The following ARHGAP24 variants were observed in gnomAD, a reference collection of about 807,000 sequenced individuals.
ARHGAP24 encodes the protein rho GTPase-activating protein 24.
Under a neutral mutation model 76.4 loss-of-function variants are expected in ARHGAP24, and 50 were observed. The observed-to-expected ratio is 0.65, with a 90% CI of 0.52 to 0.83. The LOEUF (loss-of-function observed/expected upper bound fraction) is 0.83, where lower values mean the gene tolerates loss of function less well. Among genes scored for constraint, ARHGAP24 ranks in the 40% least tolerant of loss-of-function variants. ARHGAP24 has a pLI of 0.00. For missense variants in ARHGAP24, 930 were observed against 914.2 expected, an observed-to-expected ratio of 1.02 and a Z score of -0.22; for synonymous variants, 345 against 323.3, an observed-to-expected ratio of 1.07 and a Z score of -0.72.
chr4:85,883,909 A>G (rs1733403927), intron 3 of ARHGAP24, among the ~76,000 whole-genome samples: 1 of 152,170 alleles, frequency 6.6e-6, no homozygotes, highest in African/African-American at 2.4e-5. Flanking sequence ...GGAAAAGCAC[A>G]CTGGTCCTCA....
At chr4:85,757,332 C>T (rs372562408) in intron 3 of ARHGAP24, among the ~76,000 whole-genome samples, 199 of 150,722 alleles carry the variant, frequency 1.3e-3, no homozygotes, top group African/African-American at 4.6e-3. Context: ...TCGTCATTTA[C>T]ATTAGGTATT....
At chr4:85,823,511 C>A (rs1385604749) in intron 3 of ARHGAP24, among the ~76,000 whole-genome samples, 1 of 152,122 alleles carries the variant, frequency 6.6e-6, no homozygotes, top group Non-Finnish European at 1.5e-5. Context: ...CCATGTGTCC[C>A]AGGCTTTCTG....
At chr4:85,844,454 A>G (rs1730761699) in intron 3 of ARHGAP24, among the ~76,000 whole-genome samples, 1 of 152,248 alleles carries the variant, frequency 6.6e-6, no homozygotes, top group Non-Finnish European at 1.5e-5. Context: ...CTGGGATTAC[A>G]GAATTAAATA....
At chr4:85,890,141 A>G (rs1733807561) in intron 3 of ARHGAP24, among the ~76,000 whole-genome samples, 1 of 152,206 alleles carries the variant, frequency 6.6e-6, no homozygotes, top group Non-Finnish European at 1.5e-5. Flanking sequence ...GAGGACAATC[A>G]GCGCCTTTCC....
chr4:85,924,913 C>G (rs571708374), intron 4 of ARHGAP24, among the ~76,000 whole-genome samples: 1 of 152,278 alleles, frequency 6.6e-6, no homozygotes, highest in African/African-American at 2.4e-5. Flanking sequence ...AGGTTTACAA[C>G]TTTTGTCCCA....
intron 4 of ARHGAP24, among the ~76,000 whole-genome samples, chr4:85,941,406 C>T (rs1736939044): frequency 6.6e-6 from 1 of 152,154 alleles, no homozygotes; most frequent in South Asian, 2.1e-4. Context: ...AAATACCCTA[C>T]CTGTTAGGGC....
At chr4:85,856,302 TA>T (rs376598614) in intron 3 of ARHGAP24, among the ~76,000 whole-genome samples, 1,911 of 151,460 alleles carry the variant, frequency 0.013, 46 homozygotes, top group African/African-American at 0.043. Flanking sequence ...CTCATTTTGG[TA>T]AAAAAAAATT....
At chr4:85,704,908 G>A (rs1476572306) in intron 2 of ARHGAP24, among the ~76,000 whole-genome samples, 5 of 151,900 alleles carry the variant, frequency 3.3e-5, no homozygotes, top group African/African-American at 1.2e-4. Context: ...GATTGACCAA[G>A]GGTCAATAAG....
intron 3 of ARHGAP24, among the ~76,000 whole-genome samples, chr4:85,730,390 A>G (rs1725355708): frequency 6.6e-6 from 1 of 152,048 alleles, no homozygotes; most frequent in Non-Finnish European, 1.5e-5. Flanking sequence ...TTTCCTTTAT[A>G]TGATGTACAT....
chr4:85,865,290 T>C (rs1005096512), intron 3 of ARHGAP24, among the ~76,000 whole-genome samples: 1 of 151,884 alleles, frequency 6.6e-6, no homozygotes, highest in Admixed American at 6.6e-5. Context: ...TCCTAAAATT[T>C]TGTGAGTTGG....
chr4:85,658,638 C>G (rs143166944), intron 2 of ARHGAP24, among the ~76,000 whole-genome samples: 311 of 152,324 alleles, frequency 2.0e-3, no homozygotes, highest in African/African-American at 7.2e-3. Context: ...AACATTTAGA[C>G]TAATTTTACC....
At chr4:85,657,429 T>G (rs921366001) in intron 2 of ARHGAP24, among the ~76,000 whole-genome samples, 1 of 152,204 alleles carries the variant, frequency 6.6e-6, no homozygotes, top group Non-Finnish European at 1.5e-5. Flanking sequence ...TTTTTTCAAA[T>G]ACAAGAGAAA....
intron 1 of ARHGAP24, among the ~76,000 whole-genome samples, chr4:85,537,056 A>T (rs1443030139): frequency 6.6e-6 from 1 of 152,142 alleles, no homozygotes; most frequent in Non-Finnish European, 1.5e-5. Flanking sequence ...TAATTCAGAG[A>T]AGGAAAATCA....
intron 3 of ARHGAP24, among the ~76,000 whole-genome samples, chr4:85,849,253 G>A (rs1404095105): frequency 6.7e-6 from 1 of 150,180 alleles, no homozygotes; most frequent in Non-Finnish European, 1.5e-5. Context: ...CTGTTTGTCT[G>A]TTGTTGGTGT....
chr4:85,909,785 G>A (rs567147963), intron 3 of ARHGAP24, among the ~76,000 whole-genome samples: 1 of 152,296 alleles, frequency 6.6e-6, no homozygotes, highest in South Asian at 2.1e-4. Context: ...GAAAATTGTA[G>A]AGCTATAGGA....
intron 2 of ARHGAP24, among the ~76,000 whole-genome samples, chr4:85,662,955 G>GT (rs1173017547): frequency 7.1e-6 from 1 of 140,886 alleles, no homozygotes; most frequent in African/African-American, 3.2e-5. Flanking sequence ...GTAGCGTGAT[G>GT]CCTCCAGCTT....
At chr4:85,677,883 A>T (rs561956787) in intron 2 of ARHGAP24, among the ~76,000 whole-genome samples, 1 of 152,074 alleles carries the variant, frequency 6.6e-6, no homozygotes, top group Non-Finnish European at 1.5e-5. Context: ...CCCTATCTCT[A>T]TAGAGAATTA....
At chr4:85,487,772 ATATT>A (rs1416353001) in intron 1 of ARHGAP24, among the ~76,000 whole-genome samples, 8 of 107,320 alleles carry the variant, frequency 7.5e-5, no homozygotes, top group South Asian at 4.9e-4. Flanking sequence ...TATATAATAT[ATATT>A]TATTATATAT....
chr4:85,673,623 C>A (rs932616838), intron 2 of ARHGAP24, among the ~76,000 whole-genome samples: 6 of 149,396 alleles, frequency 4.0e-5, no homozygotes, highest in Non-Finnish European at 8.9e-5. Flanking sequence ...GCTTGGAGAT[C>A]ATTCTAATAC....
Sources: gnomAD v4.1 joint callset for allele counts (sites outside exome capture counted in the v4.1 genomes callset) on GRCh38, gnomAD v4.1.1 for gene constraint, MANE v1.5 for transcripts, NCBI Gene and HGNC (gene_info 2026-07-23, HGNC 2026-07-21) for gene names.